CERS5: variants seen among roughly 807,000 people sequenced by gnomAD.
CERS5 encodes the protein LAG1 homolog, ceramide synthase 5.
Under a neutral mutation model 58.9 loss-of-function variants are expected in CERS5, and 37 were observed. The observed-to-expected ratio is 0.63, with a 90% CI of 0.48 to 0.83. CERS5 has a LOEUF of 0.83. CERS5 is among the 40% of genes least tolerant of loss of function. The pLI is 0.00. For missense variants in CERS5, 398 were observed against 489.3 expected (o/e 0.81, Z 1.76); for synonymous variants, 147 against 177.8 (o/e 0.83, Z 1.38).
At chr12:50,148,100 T>C (rs1952398854) in intron 1 of CERS5, among the ~76,000 whole-genome samples, 1 of 151,712 alleles carries the variant, frequency 6.6e-6, no homozygotes, top group Non-Finnish European at 1.5e-5. Context: ...CCCAGGAGTT[T>C]GAGACCAGCC....
chr12:50,140,284 ATTTTT>A (rs57651378), intron 4 of CERS5, among the ~76,000 whole-genome samples: 93 of 96,226 alleles, frequency 9.7e-4, no homozygotes, highest in Middle Eastern at 5.6e-3. Flanking sequence ...TAACTTCCAA[ATTTTT>A]TTTTTTTTTT....
intron 9 of CERS5, among the ~76,000 whole-genome samples, chr12:50,131,393 T>C (rs1951309073): frequency 6.6e-6 from 1 of 151,864 alleles, no homozygotes; most frequent in Non-Finnish European, 1.5e-5. Flanking sequence ...ACCCTGTCTC[T>C]ACTAAAAATA....
At chr12:50,143,231 C>T in intron 2 of CERS5, 27 bp from the exon 3 acceptor site, 1 of 1,613,266 alleles carries the variant, frequency 6.2e-7, no homozygotes, top group Non-Finnish European at 8.5e-7. Flanking sequence ...AGAGTCAGAA[C>T]ACCCGTCTCC....
intron 4 of CERS5, 148 bp downstream of exon 4, chr12:50,141,905 A>C: frequency 3.4e-6 from 2 of 588,552 alleles, no homozygotes; most frequent in Non-Finnish European, 5.9e-6. Context: ...CCACAACTGC[A>C]CTCCAGCTTG....
At chr12:50,137,900 G>T in intron 5 of CERS5, 80 bp from the exon 6 acceptor site, 1 of 861,046 alleles carries the variant, frequency 1.2e-6, no homozygotes, top group South Asian at 1.4e-5. Context: ...TGCCTTGGAG[G>T]ACCAATACCC....
In CERS5 at chr12:50,130,452, A is replaced by G. The variant is rs1416800151; in HGVS notation, c.*93T>C. The G allele has an allele frequency of 3.3e-6, 4 of 1,204,470 alleles. No individual in the cohort carries two copies. The highest frequency in any genetic ancestry group is 2.5e-5 in the Admixed American group (1 of 40,272). The allele number at this position is 1,204,470 out of a possible 1,614,324, so 74.6% of individuals were successfully genotyped here. ...CTCCTCAGTGCCTTGCAGTCTCCCA[A>G]TCACAGAAGAGTAGATATGGGAAGG... is the stretch of plus-strand genomic sequence containing the variant. On this transcript the variant is annotated 3_prime_UTR_variant, in exon 10 of 10. Coordinates refer to ENST00000317551, the MANE Select transcript of CERS5 (RefSeq NM_147190.5).
chr12:50,157,088 C>G (rs924495612), intron 1 of CERS5, among the ~76,000 whole-genome samples: 5 of 152,078 alleles, frequency 3.3e-5, no homozygotes, highest in African/African-American at 9.7e-5. Flanking sequence ...GGCAGAAAAA[C>G]GTGAAAAGAC....
At chr12:50,164,196 G>C (rs544282386) in intron 1 of CERS5, among the ~76,000 whole-genome samples, 1 of 151,678 alleles carries the variant, frequency 6.6e-6, no homozygotes, top group Admixed American at 6.6e-5. Flanking sequence ...CTGGCCTCAA[G>C]TGATCTCCCT....
intron 9 of CERS5, chr12:50,132,913 A>G: frequency 7.8e-7 from 1 of 1,287,208 alleles, no homozygotes; most frequent in Non-Finnish European, 1.0e-6. Flanking sequence ...AGAGAACCAC[A>G]TTCAGATGGA....
In CERS5 at chr12:50,167,331, G is replaced by A; in HGVS notation, c.-34C>T. Reference sequence around the variant, plus strand: ...CACCCCGAAGCCACCGCCGCCACAAGCGTCAGCTGCCGCCACAGCCAACGG... The same window carrying A: ...CACCCCGAAGCCACCGCCGCCACAAACGTCAGCTGCCGCCACAGCCAACGG... On this transcript the variant is annotated 5_prime_UTR_variant, in exon 1 of 10. Coordinates refer to ENST00000317551, the MANE Select transcript of CERS5 (RefSeq NM_147190.5). 1 of 1,467,154 alleles carries A rather than the reference G, an allele frequency of 6.8e-7. No homozygotes were observed. Among genetic ancestry groups the A allele is most frequent in the Non-Finnish European group, 8.9e-7 (1 of 1,118,360 alleles). 90.9% of individuals were successfully genotyped at this position (1,467,154 alleles called of 1,614,324 possible). A position where few individuals can be genotyped will look rare whatever the true frequency, so the allele number is the denominator to read the frequency against.
rs774156678 is a variant in CERS5 at position 50,138,545 on chromosome 12, C to A, written c.543+22G>T. Reference sequence around the variant, plus strand: ...CCTTATACACATTCAAGACCCCTATCCTGAAACGACTCAGATCCTACCTGA... The same window carrying A: ...CCTTATACACATTCAAGACCCCTATACTGAAACGACTCAGATCCTACCTGA... On this transcript the variant is annotated intron_variant, in intron 5 of 9. Transcript: ENST00000317551. 3.7e-6 allele frequency: 6 copies of A among 1,610,366 alleles called. No individual in the cohort carries two copies. The South Asian group carries it at 5.5e-5, about 15-fold the overall frequency.
chr12:50,132,946 G>A, intron 9 of CERS5: 1 of 1,288,934 alleles, frequency 7.8e-7, no homozygotes, highest in Non-Finnish European at 1.0e-6. Flanking sequence ...AATACTAGAA[G>A]CACAGATACA....
At chr12:50,156,418 AAC>A (rs1938633074) in intron 1 of CERS5, among the ~76,000 whole-genome samples, 3 of 112,588 alleles carry the variant, frequency 2.7e-5, no homozygotes, top group African/African-American at 1.0e-4. Context: ...CAAACAAACA[AAC>A]TATATATATA....
intron 1 of CERS5, among the ~76,000 whole-genome samples, chr12:50,166,597 T>C (rs916774944): frequency 6.6e-6 from 1 of 152,186 alleles, no homozygotes; most frequent in African/African-American, 2.4e-5. Flanking sequence ...ACTAATCCTG[T>C]TCCCCCCAAT....
intron 1 of CERS5, among the ~76,000 whole-genome samples, chr12:50,158,945 T>C (rs1257762931): frequency 6.6e-6 from 1 of 151,970 alleles, no homozygotes; most frequent in Admixed American, 6.6e-5. Context: ...CAAACTTTCT[T>C]ATAGATCATT....
intron 9 of CERS5, chr12:50,133,002 AAAAAG>A (rs1350226409): frequency 2.3e-6 from 3 of 1,289,054 alleles, no homozygotes; most frequent in Non-Finnish European, 3.0e-6. Context: ...CAGGCATAGA[AAAAAG>A]GAAGGAGGTG....
intron 1 of CERS5, among the ~76,000 whole-genome samples, chr12:50,156,470 AC>A (rs1661123932): frequency 7.2e-6 from 1 of 139,346 alleles, no homozygotes; most frequent in Admixed American, 7.3e-5. Flanking sequence ...GGTGGCATGC[AC>A]CTCTGGTCCC....
intron 1 of CERS5, among the ~76,000 whole-genome samples, chr12:50,160,168 G>A (rs188071839): frequency 1.3e-5 from 2 of 151,824 alleles, no homozygotes; most frequent in African/African-American, 4.8e-5. Context: ...AGCTGGGCGT[G>A]GTGGTACACA....
At chr12:50,162,099 C>A (rs1939362167) in intron 1 of CERS5, among the ~76,000 whole-genome samples, 1 of 151,324 alleles carries the variant, frequency 6.6e-6, no homozygotes, top group South Asian at 2.1e-4. Flanking sequence ...CGGTCTCGAA[C>A]TCCTGACCTC....
Sources: gnomAD v4.1 joint callset for allele counts (sites outside exome capture counted in the v4.1 genomes callset) on GRCh38, gnomAD v4.1.1 for gene constraint, MANE v1.5 for transcripts, NCBI Gene and HGNC (gene_info 2026-07-23, HGNC 2026-07-21) for gene names.